L3MBTL4: variants seen among roughly 807,000 people sequenced by gnomAD.
L3MBTL4 encodes the protein lethal(3)malignant brain tumor-like protein 4.
A neutral mutation model predicts 84.5 loss-of-function variants in L3MBTL4; 70 were observed. The observed-to-expected ratio is 0.83, with a 90% CI of 0.68 to 1.01. The LOEUF (loss-of-function observed/expected upper bound fraction) is 1.01. L3MBTL4 is among the 50% of genes least tolerant of loss of function. The pLI is 0.00. For synonymous variants in L3MBTL4, 274 were observed against 259.8 expected (o/e 1.05, Z -0.52); for missense variants, 715 against 754.8 (o/e 0.95, Z 0.62).
At chr18:5,961,100 C>T (rs527378166) in intron 17 of L3MBTL4, among the ~76,000 whole-genome samples, 1 of 152,336 alleles carries the variant, frequency 6.6e-6, no homozygotes, top group East Asian at 1.9e-4. Flanking sequence ...AACTGTTTTG[C>T]TTGTTTTATT....
At chr18:5,974,727 G>C (rs1036525468) in intron 16 of L3MBTL4, among the ~76,000 whole-genome samples, 1 of 152,194 alleles carries the variant, frequency 6.6e-6, no homozygotes, top group Non-Finnish European at 1.5e-5. Context: ...CACTTTGGGA[G>C]GCCAAGTTGG....
At chr18:6,341,260 C>T (rs956458051) in intron 1 of L3MBTL4, among the ~76,000 whole-genome samples, 5 of 151,882 alleles carry the variant, frequency 3.3e-5, no homozygotes, top group Non-Finnish European at 7.4e-5. Context: ...CAAAATAAAG[C>T]TCCAGAGACT....
At chr18:6,371,577 A>G (rs1450847554) in intron 1 of L3MBTL4, among the ~76,000 whole-genome samples, 1 of 152,114 alleles carries the variant, frequency 6.6e-6, no homozygotes, top group Non-Finnish European at 1.5e-5. Context: ...AACCCTTACT[A>G]CCACAGAGCA....
intron 12 of L3MBTL4, among the ~76,000 whole-genome samples, chr18:6,181,317 T>C (rs1246082419): frequency 6.6e-6 from 1 of 151,872 alleles, no homozygotes; most frequent in East Asian, 1.9e-4. Context: ...TGATAGGTAG[T>C]TTTTCTTCTT....
chr18:6,394,324 C>T (rs61498928), intron 1 of L3MBTL4, among the ~76,000 whole-genome samples: 1 of 151,784 alleles, frequency 6.6e-6, no homozygotes. Context: ...AAAAATTAGC[C>T]GAGTATGGTG....
chr18:6,050,583 C>T (rs2056802305), intron 16 of L3MBTL4, among the ~76,000 whole-genome samples: 3 of 152,168 alleles, frequency 2.0e-5, no homozygotes, highest in African/African-American at 7.2e-5. Flanking sequence ...AAATCAATGC[C>T]TAATATTTTC....
rs562918818 is a variant in L3MBTL4, at chr18:6,162,927, T to G, written c.1096+8901A>C. ...TGAGAGGAAAATGGTGGACGATAGG[T>G]GAGTAATGCATTGACTGTGAAGGGC... On this transcript the variant is annotated intron_variant, in intron 13 of 18. Coordinates refer to ENST00000317931, the MANE Select transcript of L3MBTL4 (RefSeq NM_001330559.2). Among the ~76,000 whole-genome samples, 4 of 152,160 alleles carry G rather than the reference T, an allele frequency of 2.6e-5. No homozygotes were observed. The South Asian group carries it at 8.3e-4, about 32-fold the overall frequency.
At chr18:6,012,245 T>C (rs1438110117) in intron 16 of L3MBTL4, among the ~76,000 whole-genome samples, 1 of 152,064 alleles carries the variant, frequency 6.6e-6, no homozygotes, top group African/African-American at 2.4e-5. Context: ...AAGGTTATCC[T>C]AAGAGCTGTC....
At chr18:6,031,098 T>G in intron 16 of L3MBTL4, 1 of 985,442 alleles carries the variant, frequency 1.0e-6, no homozygotes, top group African/African-American at 1.7e-5. Flanking sequence ...AAGCTGGGGT[T>G]TGTGATCATG....
intron 12 of L3MBTL4, among the ~76,000 whole-genome samples, chr18:6,195,989 C>T (rs1204450093): frequency 6.6e-6 from 1 of 151,992 alleles, no homozygotes; most frequent in Non-Finnish European, 1.5e-5. Context: ...TTCCTCATCC[C>T]CTCTCCCTGT....
intron 1 of L3MBTL4, among the ~76,000 whole-genome samples, chr18:6,410,016 C>T (rs920668401): frequency 3.3e-5 from 5 of 152,136 alleles, no homozygotes; most frequent in Non-Finnish European, 5.9e-5. Flanking sequence ...TTCCATGCCC[C>T]GCTCCCCGGC....
intron 3 of L3MBTL4, among the ~76,000 whole-genome samples, chr18:6,304,638 A>T (rs568543412): frequency 3.3e-4 from 51 of 152,318 alleles, no homozygotes; most frequent in Middle Eastern, 6.8e-3. Flanking sequence ...GGAAACAGTC[A>T]CGCAATCATA....
chr18:6,361,801 T>C (rs975791303), intron 1 of L3MBTL4, among the ~76,000 whole-genome samples: 1 of 152,100 alleles, frequency 6.6e-6, no homozygotes, highest in Non-Finnish European at 1.5e-5. Context: ...AGTGGGCCTC[T>C]GCTCTGAGCA....
chr18:6,123,981 A>T (rs79903366), intron 14 of L3MBTL4, among the ~76,000 whole-genome samples: 2,400 of 152,276 alleles, frequency 0.016, 70 homozygotes, highest in African/African-American at 0.055. Context: ...ATTCCATCAT[A>T]CCAGGTGTAA....
intron 17 of L3MBTL4, among the ~76,000 whole-genome samples, chr18:5,964,546 C>T (rs1333820838): frequency 6.6e-6 from 1 of 151,942 alleles, no homozygotes; most frequent in Non-Finnish European, 1.5e-5. Flanking sequence ...TATAAGGCTG[C>T]TCTGCTTATG....
intron 14 of L3MBTL4, among the ~76,000 whole-genome samples, chr18:6,110,997 A>G (rs1329155584): frequency 6.6e-6 from 1 of 150,562 alleles, no homozygotes; most frequent in Admixed American, 6.6e-5. Flanking sequence ...CCCAGGTCCT[A>G]TCTCTCCTCT....
intron 16 of L3MBTL4, chr18:6,029,337 T>C: frequency 9.3e-6 from 5 of 535,184 alleles, no homozygotes; most frequent in Non-Finnish European, 1.2e-5. Context: ...ATATTTCAGT[T>C]CAAGGGGAAA....
intron 16 of L3MBTL4, among the ~76,000 whole-genome samples, chr18:6,057,759 A>G (rs1283175764): frequency 1.3e-5 from 2 of 152,234 alleles, no homozygotes; most frequent in East Asian, 3.8e-4. Flanking sequence ...CTAATAAATA[A>G]AGTCCATGAC....
chr18:6,216,869 G>A (rs1023835686), intron 10 of L3MBTL4, among the ~76,000 whole-genome samples: 1 of 152,072 alleles, frequency 6.6e-6, no homozygotes, highest in Non-Finnish European at 1.5e-5. Flanking sequence ...GTTTCAGAAT[G>A]TCATGTGACA....
Sources: allele counts gnomAD v4.1 joint callset (sites outside exome capture counted in the v4.1 genomes callset), GRCh38; gene constraint gnomAD v4.1.1; transcripts MANE v1.5; gene names NCBI Gene and HGNC (gene_info 2026-07-23, HGNC 2026-07-21).